Variants in BCL2A1 observed in about 807,000 individuals in gnomAD.
The protein encoded by BCL2A1 is BCL2 related protein A1.
In BCL2A1, 10 loss-of-function variants were observed where a neutral mutation model predicts 14.4. The ratio of observed to expected loss-of-function variants is 0.69; its 90% confidence interval spans 0.43 to 1.18. The LOEUF (loss-of-function observed/expected upper bound fraction) is 1.18. BCL2A1 is among the 50% of genes most tolerant of loss of function. The pLI is 0.00. For missense variants in BCL2A1, 158 were observed against 205.0 expected (o/e 0.77, Z 1.40); for synonymous variants, 71 against 76.5 (o/e 0.93, Z 0.38).
chr15:79,969,119 T>G (rs1156356725), intron 1 of BCL2A1, among the ~76,000 whole-genome samples: 2 of 152,006 alleles, frequency 1.3e-5, no homozygotes, highest in African/African-American at 2.4e-5. Context: ...AAAATTAACC[T>G]TACTAGAAAT....
rs8025805 is a variant in BCL2A1, at chr15:79,967,932, A to T, written c.420+2768T>A. Among the ~76,000 whole-genome samples the T allele has an allele frequency of 0.27, 40,368 of 147,048 alleles. 5,633 individuals carry two copies. The highest frequency in any genetic ancestry group is 0.54 in the East Asian group (2,730 of 5,078). ...TTGAACTATTCAGGTGTTTTTTTTA[A>T]AAAAAAAAAAGAGCTTGGAAACTTT... On this transcript the variant is annotated intron_variant, in intron 1 of 1. Coordinates refer to ENST00000267953, the MANE Select transcript of BCL2A1 (RefSeq NM_004049.4).
chr15:79,970,238 G>A (rs1048946964), intron 1 of BCL2A1, among the ~76,000 whole-genome samples: 4 of 151,970 alleles, frequency 2.6e-5, no homozygotes, highest in Non-Finnish European at 5.9e-5. Context: ...ATTTGTAAGC[G>A]ATGAACTTAC....
chr15:79,967,303 G>A (rs1286749140), intron 1 of BCL2A1, among the ~76,000 whole-genome samples: 1 of 136,010 alleles, frequency 7.4e-6, no homozygotes, highest in Non-Finnish European at 1.5e-5. Context: ...TGCAACCTCC[G>A]CCTCCCAGGT....
chr15:79,970,589 G>T, intron 1 of BCL2A1, 111 bp downstream of exon 1: 1 of 1,139,390 alleles, frequency 8.8e-7, no homozygotes, highest in Non-Finnish European at 1.2e-6. Flanking sequence ...AACCACCCAA[G>T]GAAAATAGTA....
intron 1 of BCL2A1, chr15:79,967,739 G>A: frequency 8.4e-7 from 1 of 1,195,298 alleles, no homozygotes; most frequent in South Asian, 1.3e-5. Context: ...AAGCAGATTT[G>A]TCAACATCAC....
chr15:79,967,508 A>C, intron 1 of BCL2A1: 1 of 1,037,330 alleles, frequency 9.6e-7, no homozygotes. Flanking sequence ...GAGCCACTGC[A>C]CCCGGCACAT....
At chr15:79,966,015 A>G (rs1257423355) in intron 1 of BCL2A1, among the ~76,000 whole-genome samples, 3 of 151,990 alleles carry the variant, frequency 2.0e-5, no homozygotes, top group African/African-American at 4.8e-5. Flanking sequence ...CCCAACCTTT[A>G]AAATGGTGGT....
Position 79,970,693 on chromosome 15 carries a change from C to T in BCL2A1, c.420+7G>A, listed in dbSNP as rs2141708939. The T allele has an allele frequency of 1.9e-6, 3 of 1,589,754 alleles. No individual in the cohort carries two copies. The highest frequency in any genetic ancestry group is 2.6e-6 in the Non-Finnish European group (3 of 1,164,510). ...AGAACAATGAAGAATTTTTCCATCA[C>T]ACATACCCAGCCTCCGTTTTGCCTT... On this transcript the variant is annotated splice_region_variant and intron_variant, in intron 1 of 1. Transcript: ENST00000267953.
intron 1 of BCL2A1, among the ~76,000 whole-genome samples, chr15:79,963,184 T>C (rs2141703865): frequency 6.6e-6 from 1 of 151,990 alleles, no homozygotes; most frequent in South Asian, 2.1e-4. Context: ...GAAACCGGGT[T>C]TCACCATGTT....
intron 1 of BCL2A1, among the ~76,000 whole-genome samples, chr15:79,967,240 T>C (rs1387123466): frequency 6.6e-6 from 1 of 150,668 alleles, no homozygotes; most frequent in East Asian, 1.9e-4. Flanking sequence ...TTTTTTTTTT[T>C]TGAGATGGAG....
chr15:79,965,571 C>A lies in BCL2A1; in HGVS notation c.421-4397G>T, dbSNP rs373296550. Among the ~76,000 whole-genome samples, 19 of 152,214 alleles carry A rather than the reference C, an allele frequency of 1.2e-4. No individual in the cohort carries two copies. In the East Asian group the frequency reaches 3.7e-3, roughly 29 times the overall value. On this transcript the variant is annotated intron_variant, in intron 1 of 1. Transcript: ENST00000267953. Reference sequence around the variant, plus strand: ...GGCCTAGATGCACAGGGTATTACAGCATTTCAAAGGGGCAGCCAGGGGGAT... The same window carrying A: ...GGCCTAGATGCACAGGGTATTACAGAATTTCAAAGGGGCAGCCAGGGGGAT...
intron 1 of BCL2A1, among the ~76,000 whole-genome samples, chr15:79,968,886 C>T (rs2035569068): frequency 6.6e-6 from 1 of 152,154 alleles, no homozygotes; most frequent in South Asian, 2.1e-4. Context: ...GCTGAGATCA[C>T]ACCACTGCAC....
At chr15:79,965,188 C>T (rs2035528669) in intron 1 of BCL2A1, among the ~76,000 whole-genome samples, 1 of 152,096 alleles carries the variant, frequency 6.6e-6, no homozygotes, top group Admixed American at 6.6e-5. Context: ...AGTGCAGTGG[C>T]ACGATCTCAC....
chr15:79,961,182 A>C lies in BCL2A1; in HGVS notation c.421-8T>G, dbSNP rs112191286. 1.7e-3 allele frequency: 2,788 copies of C among 1,610,018 alleles called. 45 individuals carry two copies. The African/African-American group carries it at 0.034, about 19-fold the overall frequency. The stretch of plus-strand genomic sequence containing the variant: ...CTTTACAAAGCCATTTTCCTATAAA[A>C]GAATAAATTTAACACTTTAAACATC... On this transcript the variant is annotated splice_polypyrimidine_tract_variant and splice_region_variant and intron_variant, in intron 1 of 1. Transcript: ENST00000267953.
intron 1 of BCL2A1, chr15:79,967,686 A>G: frequency 6.5e-7 from 1 of 1,534,892 alleles, no homozygotes; most frequent in African/African-American, 1.4e-5. Flanking sequence ...TGATTGTGCC[A>G]TTTCCCCTGA....
At chr15:79,963,181 G>T (rs1474805345) in intron 1 of BCL2A1, among the ~76,000 whole-genome samples, 7 of 151,610 alleles carry the variant, frequency 4.6e-5, no homozygotes, top group Admixed American at 2.0e-4. Flanking sequence ...GTAGAAACCG[G>T]GTTTCACCAT....
At chr15:79,969,838 C>T (rs2035578061) in intron 1 of BCL2A1, among the ~76,000 whole-genome samples, 2 of 151,992 alleles carry the variant, frequency 1.3e-5, no homozygotes, top group African/African-American at 4.8e-5. Flanking sequence ...TAATTGATAA[C>T]AGTGGTTACC....
chr15:79,969,355 C>T (rs1435818949), intron 1 of BCL2A1, among the ~76,000 whole-genome samples: 1 of 152,096 alleles, frequency 6.6e-6, no homozygotes, highest in African/African-American at 2.4e-5. Context: ...GCATCTACAA[C>T]CCAACATCCA....
chr15:79,964,374 T>C (rs901696701), intron 1 of BCL2A1, among the ~76,000 whole-genome samples: 1 of 152,112 alleles, frequency 6.6e-6, no homozygotes, highest in Non-Finnish European at 1.5e-5. Context: ...GAGGCTGAGA[T>C]GGGAGGATTG....
Sources: gnomAD v4.1 joint callset for allele counts (sites outside exome capture counted in the v4.1 genomes callset) on GRCh38, gnomAD v4.1.1 for gene constraint, MANE v1.5 for transcripts, NCBI Gene and HGNC (gene_info 2026-07-23, HGNC 2026-07-21) for gene names.